TRPM7: variants seen among roughly 807,000 people sequenced by gnomAD.
TRPM7 encodes LTRPC ion channel family member 7.
A neutral mutation model predicts 229.7 loss-of-function variants in TRPM7; 134 were observed. The observed-to-expected ratio is 0.58, with a 90% CI of 0.51 to 0.67. TRPM7 has a LOEUF of 0.67. Among genes scored for constraint, TRPM7 ranks in the 30% least tolerant of loss-of-function variants. The pLI, the probability that TRPM7 is intolerant of heterozygous loss-of-function variation, is 0.00. For synonymous variants in TRPM7, 699 were observed against 715.2 expected, an observed-to-expected ratio of 0.98 and a Z score of 0.36; for missense variants, 1,901 against 2,210.0, an observed-to-expected ratio of 0.86 and a Z score of 2.80.
chr15:50,620,881 G>A (rs897046330), intron 12 of TRPM7, among the ~76,000 whole-genome samples: 4 of 151,844 alleles, frequency 2.6e-5, no homozygotes, highest in Admixed American at 6.6e-5. Context: ...GCGGTAAGCC[G>A]AGATCGCGTC....
chr15:50,572,839 TC>T (rs2053955179), intron 36 of TRPM7, among the ~76,000 whole-genome samples: 2 of 152,144 alleles, frequency 1.3e-5, no homozygotes, highest in Non-Finnish European at 2.9e-5. Context: ...CACTAAAGAG[TC>T]ACTGAGTAAT....
chr15:50,678,553 C>CAT (rs140200559), intron 1 of TRPM7, among the ~76,000 whole-genome samples: 3,534 of 147,810 alleles, frequency 0.024, 136 homozygotes, highest in African/African-American at 0.082. Flanking sequence ...CACACACACA[C>CAT]ACATATACAT....
chr15:50,588,407 T>C (rs1174343842), intron 27 of TRPM7, among the ~76,000 whole-genome samples: 3 of 151,956 alleles, frequency 2.0e-5, no homozygotes, highest in African/African-American at 4.8e-5. Flanking sequence ...ATTAAGTTAA[T>C]TGATTTAGTA....
Position 50,679,094 on chromosome 15 carries a change from G to A in TRPM7, c.3+7437C>T, listed in dbSNP as rs1472409555. Among the ~76,000 whole-genome samples the A allele has an allele frequency of 2.2e-5, 3 of 136,246 alleles. 1 individual carries two copies. The highest frequency in any genetic ancestry group is 4.8e-5 in the Non-Finnish European group (3 of 63,004). The allele number at this position is 136,246 out of a possible 152,430, so 89.4% of individuals were successfully genotyped here. A position where few individuals can be genotyped will look rare whatever the true frequency, so the allele number is the denominator to read the frequency against. On this transcript the variant is annotated intron_variant, in intron 1 of 38. Transcript: ENST00000646667. ...TCACCATGTTGGCCAGGATGGTCTC[G>A]ATCTCTTGACCTGGTGATCCACCCG...
intron 38 of TRPM7, among the ~76,000 whole-genome samples, chr15:50,563,344 A>G (rs1374840105): frequency 1.3e-5 from 2 of 152,242 alleles, no homozygotes; most frequent in Non-Finnish European, 2.9e-5. Context: ...TGAGAAGTAC[A>G]GATACAATAC....
At chr15:50,663,124 T>A in intron 1 of TRPM7, 78 bp from the exon 2 acceptor site, 2 of 1,087,346 alleles carry the variant, frequency 1.8e-6, no homozygotes, top group Non-Finnish European at 2.7e-6. Context: ...GATAAACACA[T>A]AAACAGTTCT....
intron 4 of TRPM7, among the ~76,000 whole-genome samples, chr15:50,645,895 C>T (rs916056063): frequency 6.6e-6 from 1 of 151,992 alleles, no homozygotes; most frequent in African/African-American, 2.4e-5. Flanking sequence ...TGGCTCACAC[C>T]TGTAATCCCA....
Position 50,612,728 on chromosome 15 carries a change from T to C in TRPM7, c.1872A>G (p.Glu624=), listed in dbSNP as rs1233440675. ...TCATAAGGCAAGCCCAAATTAAAAG[T>C]TCATTAAGTGGATAAGGAAAGCGCT... ...ETKRFPYPLN[E]LLIWACLMKR... Residue 624 remains glutamate, a synonymous_variant, in exon 16 of 39, where the codon GAA becomes GAG. Transcript: ENST00000646667. The C allele has an allele frequency of 6.2e-7, 1 of 1,614,154 alleles. No individual in the cohort carries two copies.
In TRPM7 at chr15:50,680,546, T is replaced by C. The variant is rs190212659; in HGVS notation, c.3+5985A>G. On this transcript the variant is annotated intron_variant, in intron 1 of 38. Coordinates refer to ENST00000646667, the MANE Select transcript of TRPM7 (RefSeq NM_017672.6). ...ATCGCACCACTGAACTCTAGCCTAA[T>C]TGACAGAGAGAGACACTTGTCTCAA... Among the ~76,000 whole-genome samples, 60 of 151,404 alleles carry C rather than the reference T, an allele frequency of 4.0e-4. 1 individual carries two copies. The South Asian group carries it at 7.5e-3, about 19-fold the overall frequency.
In TRPM7 at chr15:50,592,592, C is replaced by T; in HGVS notation, c.3643G>A (p.Gly1215Arg). Residue 1215 changes from glycine to arginine, a missense_variant, in exon 26 of 39, where the codon GGA becomes AGA. By Grantham distance (125) the Gly-to-Arg change is moderately radical (BLOSUM62 -2). Transcript: ENST00000646667. ...EQMCIQIKEV[G>R]DRVNYIKRSL... is the part of the protein sequence containing the mutation. ...CTTTTTATGTAGTTGACACGATCTC[C>T]AACTTCTTTAATCTGAATGCACATC... 6.2e-7 allele frequency: 1 copy of T among 1,603,182 alleles called. No homozygotes were observed. Among genetic ancestry groups the T allele is most frequent in the Non-Finnish European group, 8.5e-7 (1 of 1,178,248 alleles).
intron 12 of TRPM7, 90 bp from the exon 13 acceptor site, chr15:50,619,888 T>G (rs2060341187): frequency 9.1e-7 from 1 of 1,103,358 alleles, no homozygotes; most frequent in Non-Finnish European, 1.3e-6. Context: ...CTTATACAAA[T>G]TACATTGTTT....
chr15:50,585,526 T>A (rs960498636), intron 28 of TRPM7, among the ~76,000 whole-genome samples: 1 of 152,250 alleles, frequency 6.6e-6, no homozygotes, highest in Non-Finnish European at 1.5e-5. Flanking sequence ...AGATTAAGAA[T>A]GAATACTGAA....
intron 25 of TRPM7, among the ~76,000 whole-genome samples, chr15:50,593,370 C>A (rs1416267095): frequency 7.2e-5 from 11 of 151,994 alleles, no homozygotes; most frequent in African/African-American, 2.4e-4. Flanking sequence ...TTTTACTTTT[C>A]TCCCTCCAAA....
intron 20 of TRPM7, 73 bp from the exon 21 acceptor site, chr15:50,605,217 TAACATTACAGTA>T: frequency 8.2e-7 from 1 of 1,217,042 alleles, no homozygotes; most frequent in South Asian, 1.6e-5. Flanking sequence ...CATTCAACTA[TAACATTACAGTA>T]GAATTTCACA....
At chr15:50,664,167 G>A (rs143449449) in intron 1 of TRPM7, among the ~76,000 whole-genome samples, 5 of 151,882 alleles carry the variant, frequency 3.3e-5, no homozygotes, top group South Asian at 4.2e-4. Flanking sequence ...GTGTGGTGGC[G>A]TGTGCCTGTA....
intron 11 of TRPM7, 97 bp from the exon 12 acceptor site, chr15:50,624,397 C>A: frequency 9.1e-7 from 1 of 1,099,378 alleles, no homozygotes; most frequent in South Asian, 2.1e-5. Flanking sequence ...TTAATTTGTT[C>A]CCAACAGTTT....
intron 1 of TRPM7, among the ~76,000 whole-genome samples, chr15:50,665,597 A>C (rs1567113085): frequency 6.6e-6 from 1 of 152,224 alleles, no homozygotes; most frequent in African/African-American, 2.4e-5. Flanking sequence ...TTAAATTCTT[A>C]GAAGTGAATA....
At chr15:50,637,735 G>A in intron 6 of TRPM7, 142 bp from the exon 7 acceptor site, 1 of 778,742 alleles carries the variant, frequency 1.3e-6, no homozygotes, top group South Asian at 2.1e-5. Flanking sequence ...GACAAAGAAT[G>A]TTTCAAAAAG....
chr15:50,663,015 G>A lies in TRPM7; in HGVS notation c.35C>T (p.Thr12Ile), dbSNP rs1288764858. 6.2e-7 allele frequency: 1 copy of A among 1,613,728 alleles called. No individual in the cohort carries two copies. Among genetic ancestry groups the A allele is most frequent in the Non-Finnish European group, 8.5e-7 (1 of 1,179,784 alleles). The change falls in exon 2 of 39, where the codon ACC (threonine) becomes ATC (isoleucine). Residue 12 changes from threonine to isoleucine, a missense_variant. By Grantham distance (89) the Thr-to-Ile change is moderately conservative. Transcript: ENST00000646667. ...TATAATATATACACATTCCCTCTTG[G>A]TCAAAGTGCTTTCTATCCAGGATTT... Reference protein sequence around the residue: ...SQKSWIESTLTKRECVYIIPS... With the variant: ...SQKSWIESTLIKRECVYIIPS...
Sources: gnomAD v4.1 joint callset for allele counts (sites outside exome capture counted in the v4.1 genomes callset) on GRCh38, gnomAD v4.1.1 for gene constraint, MANE v1.5 for transcripts, NCBI Gene and HGNC (gene_info 2026-07-23, HGNC 2026-07-21) for gene names.